OMA1: variants seen among roughly 807,000 people sequenced by gnomAD.
OMA1 encodes OMA1 zinc metallopeptidase, also known as metalloendopeptidase OMA1, mitochondrial.
Under a neutral mutation model 30.9 loss-of-function variants are expected in OMA1, and 38 were observed. That is an observed-to-expected ratio of 1.23 (90% CI 0.95 to 1.61). The LOEUF (loss-of-function observed/expected upper bound fraction) is 1.61. Ranked by LOEUF, OMA1 falls within the 40% of genes most tolerant of loss-of-function variation. OMA1 has a pLI of 0.00. For synonymous variants in OMA1, 173 were observed against 121.9 expected, an observed-to-expected ratio of 1.42 and a Z score of -2.76; for missense variants, 461 against 349.2, an observed-to-expected ratio of 1.32 and a Z score of -2.55.
intron 1 of OMA1, among the ~76,000 whole-genome samples, chr1:58,543,684 A>C (rs1271758064): frequency 6.6e-6 from 1 of 152,244 alleles, no homozygotes; most frequent in African/African-American, 2.4e-5. Flanking sequence ...AAAAAATGAC[A>C]TGATGATCTG....
intron 5 of OMA1, among the ~76,000 whole-genome samples, chr1:58,532,010 T>C (rs563923115): frequency 3.0e-4 from 46 of 152,164 alleles, no homozygotes; most frequent in African/African-American, 1.1e-3. Flanking sequence ...CCCAGCCCAA[T>C]TATGAAATTA....
In OMA1 at chr1:58,536,541, C is replaced by G; in HGVS notation, c.701G>C (p.Arg234Thr). The G allele has an allele frequency of 1.1e-6, 1 of 872,756 alleles. No homozygotes were observed. The highest frequency in any genetic ancestry group is 2.0e-6 in the Non-Finnish European group (1 of 501,578). The allele number at this position is 872,756 out of a possible 1,614,324, so 54.1% of individuals were successfully genotyped here. Reference sequence around the variant, plus strand: ...TTCATATTCCAGTTCCGATAAAAGTCTGAACTGTTCTTTCCCCAATAATAG... The same window carrying G: ...TTCATATTCCAGTTCCGATAAAAGTGTGAACTGTTCTTTCCCCAATAATAG... The part of the protein sequence containing the change: ...KLLLLGKEQF[R>T]LLSELEYEAW... The change falls in exon 3 of 9, where the codon AGA (arginine) becomes ACA (threonine). Residue 234 changes from arginine (R) to threonine (T), a missense_variant. Coordinates refer to ENST00000371226, the MANE Select transcript of OMA1 (RefSeq NM_145243.5).
At chr1:58,512,234 T>C (rs1646088206) in intron 7 of OMA1, among the ~76,000 whole-genome samples, 1 of 152,040 alleles carries the variant, frequency 6.6e-6, no homozygotes, top group South Asian at 2.1e-4. Flanking sequence ...TATCTATCAT[T>C]GAAAAAAAGA....
At chr1:58,515,463 C>A (rs1434227243) in intron 7 of OMA1, among the ~76,000 whole-genome samples, 2 of 152,002 alleles carry the variant, frequency 1.3e-5, no homozygotes, top group African/African-American at 4.8e-5. Flanking sequence ...TTCCCTCTAT[C>A]TTAGGTAAAG....
chr1:58,482,233 T>C (rs1205225556), intron 8 of OMA1, among the ~76,000 whole-genome samples: 1 of 152,102 alleles, frequency 6.6e-6, no homozygotes, highest in Admixed American at 6.6e-5. Flanking sequence ...TCTCATCCTG[T>C]AAGGTGGAAA....
intron 8 of OMA1, among the ~76,000 whole-genome samples, chr1:58,495,892 T>C (rs150888649): frequency 2.8e-4 from 43 of 152,340 alleles, no homozygotes; most frequent in African/African-American, 9.6e-4. Context: ...TACTCTTGTA[T>C]GCCTTTTTAC....
chr1:58,494,516 T>C (rs1450846418), intron 8 of OMA1, among the ~76,000 whole-genome samples: 3 of 152,116 alleles, frequency 2.0e-5, no homozygotes, highest in African/African-American at 7.2e-5. Context: ...TGCAATCTAC[T>C]CAACTGACAA....
At chr1:58,541,238 G>A (rs1419715008) in intron 1 of OMA1, among the ~76,000 whole-genome samples, 4 of 128,836 alleles carry the variant, frequency 3.1e-5, no homozygotes, top group Admixed American at 8.8e-5. Context: ...AGGTTGCAGT[G>A]AGCCGAGATG....
chr1:58,537,086 GTA>G (rs71779509), intron 2 of OMA1, among the ~76,000 whole-genome samples: 11 of 128,504 alleles, frequency 8.6e-5, no homozygotes, highest in East Asian at 2.7e-4. Flanking sequence ...CTCTCTCTCT[GTA>G]TATATATATA....
chr1:58,529,124 T>A (rs1272819779), intron 6 of OMA1, among the ~76,000 whole-genome samples: 1 of 152,218 alleles, frequency 6.6e-6, no homozygotes, highest in African/African-American at 2.4e-5. Flanking sequence ...ACCAATCTTT[T>A]ATTTTCTCTT....
At chr1:58,543,504 A>G (rs60739996) in intron 1 of OMA1, among the ~76,000 whole-genome samples, 3,757 of 152,126 alleles carry the variant, frequency 0.025, 144 homozygotes, top group African/African-American at 0.085. Flanking sequence ...TATGGTGTTG[A>G]TCACTACCCA....
At chr1:58,536,788 A>G in intron 2 of OMA1, 47 bp from the exon 3 acceptor site, 1 of 834,018 alleles carries the variant, frequency 1.2e-6, no homozygotes, top group Admixed American at 1.9e-5. Flanking sequence ...ATTCCAGCAC[A>G]TATCACTAAA....
At chr1:58,521,275 G>A (rs1460703242) in intron 7 of OMA1, among the ~76,000 whole-genome samples, 2 of 151,368 alleles carry the variant, frequency 1.3e-5, no homozygotes, top group African/African-American at 4.9e-5. Flanking sequence ...CTTGCAACAT[G>A]ACAAGTAAAG....
chr1:58,498,380 G>A (rs1569895915), intron 8 of OMA1, among the ~76,000 whole-genome samples: 1 of 151,996 alleles, frequency 6.6e-6, no homozygotes, highest in South Asian at 2.1e-4. Flanking sequence ...TATTTCTCCT[G>A]GAAAATGAAA....
Position 58,546,344 on chromosome 1 carries a change from G to A in OMA1, c.-17+359C>T, listed in dbSNP as rs1646704917. Among the ~76,000 whole-genome samples the A allele has an allele frequency of 2.0e-5, 3 of 152,300 alleles. No homozygotes were observed. The South Asian group carries it at 6.2e-4, about 32-fold the overall frequency. On this transcript the variant is annotated intron_variant, in intron 1 of 8. Coordinates refer to ENST00000371226, the MANE Select transcript of OMA1 (RefSeq NM_145243.5). ...GGGTGAGAAACCCTGCTCTGAAAGCGGAGCCGCGGATAAGGGCGGGCTGAG... is the reference window on the plus strand; with the variant it reads ...GGGTGAGAAACCCTGCTCTGAAAGCAGAGCCGCGGATAAGGGCGGGCTGAG...
At chr1:58,533,173 C>G (rs12058651) in intron 5 of OMA1, among the ~76,000 whole-genome samples, 1 of 152,006 alleles carries the variant, frequency 6.6e-6, no homozygotes, top group Non-Finnish European at 1.5e-5. Flanking sequence ...GGACTTATAT[C>G]AAGATGAACA....
chr1:58,526,475 A>G (rs76537115), intron 7 of OMA1, among the ~76,000 whole-genome samples: 2,515 of 152,158 alleles, frequency 0.017, 55 homozygotes, highest in East Asian at 0.12. Context: ...TTCTAATCTT[A>G]AATGCTACTA....
chr1:58,497,540 G>T (rs1645823586), intron 8 of OMA1, among the ~76,000 whole-genome samples: 1 of 152,106 alleles, frequency 6.6e-6, no homozygotes, highest in Admixed American at 6.5e-5. Flanking sequence ...CCCCAAATAT[G>T]CCTCTTTAGC....
At chr1:58,520,251 G>GA (rs1040593968) in intron 7 of OMA1, among the ~76,000 whole-genome samples, 1 of 151,522 alleles carries the variant, frequency 6.6e-6, no homozygotes, top group African/African-American at 2.4e-5. Flanking sequence ...CCTAAACGTT[G>GA]AAAAAAATAA....
Sources: allele counts gnomAD v4.1 joint callset (sites outside exome capture counted in the v4.1 genomes callset), GRCh38; gene constraint gnomAD v4.1.1; transcripts MANE v1.5; gene names NCBI Gene and HGNC (gene_info 2026-07-23, HGNC 2026-07-21).